PPP2R2B: variants seen among roughly 807,000 people sequenced by gnomAD.
The protein encoded by PPP2R2B is serine/threonine-protein phosphatase 2A 55 kDa regulatory subunit B beta isoform.
PPP2R2B carries 5 observed loss-of-function variants against 46.0 expected under a neutral mutation model. That is an observed-to-expected ratio of 0.11 (90% CI 0.06 to 0.23). The LOEUF is 0.23. Among genes scored for constraint, PPP2R2B ranks in the 10% least tolerant of loss-of-function variants. The pLI is 1.00. For synonymous variants in PPP2R2B, 215 were observed against 206.7 expected (o/e 1.04, Z -0.34); for missense variants, 367 against 575.0 (o/e 0.64, Z 3.70).
At chr5:146,707,255 C>G in intron 2 of PPP2R2B, 1 of 1,587,946 alleles carries the variant, frequency 6.3e-7, no homozygotes, top group Non-Finnish European at 8.6e-7. Context: ...CACTTGGTCT[C>G]CAGCATCTTG....
intron 7 of PPP2R2B, among the ~76,000 whole-genome samples, chr5:146,632,927 G>A (rs931053809): frequency 5.3e-5 from 8 of 152,102 alleles, no homozygotes; most frequent in East Asian, 1.9e-4. Context: ...CCAGATTTAC[G>A]GGGCACGTTG....
chr5:146,625,270 T>G (rs748760645), intron 7 of PPP2R2B, among the ~76,000 whole-genome samples: 6 of 152,216 alleles, frequency 3.9e-5, no homozygotes, highest in African/African-American at 7.2e-5. Flanking sequence ...GATTTAATTT[T>G]AATGTTCATG....
At chr5:146,763,733 AC>A (rs924243658) in intron 2 of PPP2R2B, among the ~76,000 whole-genome samples, 2 of 152,024 alleles carry the variant, frequency 1.3e-5, no homozygotes, top group African/African-American at 4.8e-5. Context: ...TAAGACAAGG[AC>A]CCTTCTTTCC....
At chr5:146,842,494 T>A (rs1312008005) in intron 2 of PPP2R2B, among the ~76,000 whole-genome samples, 9 of 151,672 alleles carry the variant, frequency 5.9e-5, no homozygotes, top group African/African-American at 1.9e-4. Context: ...TTTTTTTTTT[T>A]TTTTTAAAGT....
chr5:147,020,163 A>G (rs1019865363), intron 1 of PPP2R2B, among the ~76,000 whole-genome samples: 1 of 151,944 alleles, frequency 6.6e-6, no homozygotes, highest in African/African-American at 2.4e-5. Context: ...TTTTTTCTCC[A>G]TAGTCATTCC....
intron 1 of PPP2R2B, among the ~76,000 whole-genome samples, chr5:147,043,879 G>A (rs555240190): frequency 3.9e-4 from 60 of 152,144 alleles, no homozygotes; most frequent in South Asian, 1.2e-3. Flanking sequence ...TCTCAGAAGC[G>A]GGAGAACAGA....
intron 2 of PPP2R2B, among the ~76,000 whole-genome samples, chr5:146,866,645 C>G (rs964966058): frequency 6.6e-6 from 1 of 152,024 alleles, no homozygotes; most frequent in African/African-American, 2.4e-5. Context: ...TATACACACA[C>G]ATATATATGC....
intron 1 of PPP2R2B, among the ~76,000 whole-genome samples, chr5:147,037,614 TG>T (rs1756104731): frequency 6.6e-6 from 1 of 152,116 alleles, no homozygotes; most frequent in Non-Finnish European, 1.5e-5. Flanking sequence ...GAAACTTTTG[TG>T]TATCATGGGA....
chr5:146,917,109 G>T (rs1015965330), intron 1 of PPP2R2B, among the ~76,000 whole-genome samples: 1 of 152,148 alleles, frequency 6.6e-6, no homozygotes, highest in Non-Finnish European at 1.5e-5. Flanking sequence ...TGAAAAGGTG[G>T]CTGGGCAGAA....
At chr5:146,624,570 T>G (rs1773913290) in intron 7 of PPP2R2B, among the ~76,000 whole-genome samples, 8 of 152,218 alleles carry the variant, frequency 5.3e-5, no homozygotes, top group Admixed American at 5.2e-4. Context: ...TCTCCCAGCA[T>G]CTACTCTTCC....
At chr5:146,653,059 T>C (rs1169403383) in intron 5 of PPP2R2B, among the ~76,000 whole-genome samples, 2 of 152,208 alleles carry the variant, frequency 1.3e-5, no homozygotes, top group East Asian at 1.9e-4. Flanking sequence ...GTATTCTTCA[T>C]ACATAATCTC....
intron 2 of PPP2R2B, among the ~76,000 whole-genome samples, chr5:146,810,298 C>T (rs1024256380): frequency 2.0e-5 from 3 of 152,108 alleles, no homozygotes; most frequent in Middle Eastern, 3.2e-3. Context: ...GTGAAAGTCA[C>T]GTCTCATATG....
At chr5:146,595,726 G>C (rs768348514) in intron 8 of PPP2R2B, among the ~76,000 whole-genome samples, 1 of 152,186 alleles carries the variant, frequency 6.6e-6, no homozygotes, top group Non-Finnish European at 1.5e-5. Flanking sequence ...TTTTCTACTA[G>C]AGGAAAGAAT....
At chr5:146,927,452 A>C (rs757891483) in intron 1 of PPP2R2B, among the ~76,000 whole-genome samples, 2 of 152,200 alleles carry the variant, frequency 1.3e-5, no homozygotes, top group African/African-American at 2.4e-5. Context: ...CTATTGATAT[A>C]AACCACGCAG....
intron 2 of PPP2R2B, chr5:146,707,682 A>C: frequency 1.8e-6 from 1 of 542,320 alleles, no homozygotes; most frequent in Admixed American, 3.1e-5. Context: ...GGTAGAATAT[A>C]TCTTTTCTAA....
At chr5:146,651,777 T>G (rs1775976958) in intron 5 of PPP2R2B, among the ~76,000 whole-genome samples, 1 of 152,224 alleles carries the variant, frequency 6.6e-6, no homozygotes, top group Admixed American at 6.5e-5. Context: ...AGGTGGTAGA[T>G]TAAGACTTCA....
chr5:146,653,563 T>C (rs1776124581), intron 5 of PPP2R2B, among the ~76,000 whole-genome samples: 1 of 152,300 alleles, frequency 6.6e-6, no homozygotes, highest in South Asian at 2.1e-4. Flanking sequence ...AAATGGAATC[T>C]GCAGGACTTC....
rs566844815 is a variant in PPP2R2B at position 147,004,625 on chromosome 5, T to C, written c.79+51040A>G. Among the ~76,000 whole-genome samples, 27 of 152,314 alleles carry C rather than the reference T, an allele frequency of 1.8e-4. No individual in the cohort carries two copies. In the South Asian group the frequency reaches 5.2e-3, roughly 29 times the overall value. ...AAGTCCCATACCCTTATTAGGGATA[T>C]ATTAGCCAAAGCTGGAGCTATTATC... On this transcript the variant is annotated intron_variant, in intron 1 of 8. Transcript: ENST00000336640.
intron 5 of PPP2R2B, among the ~76,000 whole-genome samples, chr5:146,668,853 T>C (rs903484421): frequency 3.9e-5 from 6 of 152,162 alleles, no homozygotes; most frequent in Non-Finnish European, 8.8e-5. Context: ...TGCATTGCCA[T>C]AGAATGGAAG....
Sources: gnomAD v4.1 joint callset for allele counts (sites outside exome capture counted in the v4.1 genomes callset) on GRCh38, gnomAD v4.1.1 for gene constraint, MANE v1.5 for transcripts, NCBI Gene and HGNC (gene_info 2026-07-23, HGNC 2026-07-21) for gene names.